Variants in SEC22A observed in about 807,000 individuals in gnomAD.
The protein encoded by SEC22A is SEC22 homolog A, vesicle trafficking protein.
SEC22A carries 22 observed loss-of-function variants against 35.3 expected under a neutral mutation model. That is an observed-to-expected ratio of 0.62 (90% confidence interval 0.45 to 0.89). SEC22A has a LOEUF of 0.89. SEC22A is among the 40% of genes least tolerant of loss of function. The pLI is 0.00. For synonymous variants in SEC22A, 119 were observed against 129.5 expected (o/e 0.92, Z 0.55); for missense variants, 354 against 362.5 (o/e 0.98, Z 0.19).
chr3:123,241,459 G>A (rs944075571), intron 4 of SEC22A, among the ~76,000 whole-genome samples: 2 of 152,002 alleles, frequency 1.3e-5, no homozygotes, highest in East Asian at 1.9e-4. Context: ...TTGAGATTTC[G>A]AATGGTACCA....
intron 6 of SEC22A, among the ~76,000 whole-genome samples, chr3:123,261,003 T>C (rs1937884386): frequency 6.6e-6 from 1 of 152,012 alleles, no homozygotes; most frequent in Non-Finnish European, 1.5e-5. Flanking sequence ...GCCTAGCTAA[T>C]TTTTTGTATT....
chr3:123,229,122 G>A (rs1327309303), intron 4 of SEC22A, among the ~76,000 whole-genome samples: 1 of 152,186 alleles, frequency 6.6e-6, no homozygotes, highest in African/African-American at 2.4e-5. Flanking sequence ...ACATTAGTCT[G>A]CTCTTGCAGG....
At chr3:123,229,952 AG>A (rs762258947) in intron 4 of SEC22A, among the ~76,000 whole-genome samples, 55 of 152,212 alleles carry the variant, frequency 3.6e-4, no homozygotes, top group Non-Finnish European at 3.7e-4. Context: ...TTTGAAAAAA[AG>A]CAAAGAACAA....
At chr3:123,214,854 C>A (rs535163959) in intron 2 of SEC22A, among the ~76,000 whole-genome samples, 57 of 152,252 alleles carry the variant, frequency 3.7e-4, no homozygotes, top group African/African-American at 1.3e-3. Flanking sequence ...TTTTTTAGTT[C>A]TTTCACTGTG....
intron 1 of SEC22A, 196 bp from the exon 2 acceptor site, chr3:123,209,003 C>G: frequency 2.3e-6 from 1 of 438,714 alleles, no homozygotes; most frequent in Non-Finnish European, 4.2e-6. Flanking sequence ...TCATGTTGGC[C>G]AGGCTGGTCT....
At chr3:123,224,005 C>T (rs1466023450) in intron 3 of SEC22A, among the ~76,000 whole-genome samples, 1 of 152,132 alleles carries the variant, frequency 6.6e-6, no homozygotes, top group Non-Finnish European at 1.5e-5. Flanking sequence ...TTTTGCGTTT[C>T]TGTAATAATC....
intron 4 of SEC22A, among the ~76,000 whole-genome samples, chr3:123,232,146 C>T (rs1466063243): frequency 2.0e-5 from 3 of 151,920 alleles, no homozygotes; most frequent in Non-Finnish European, 2.9e-5. Context: ...AGGCTGAGGA[C>T]GAGAATTGCT....
At chr3:123,230,769 A>AG (rs1448435343) in intron 4 of SEC22A, among the ~76,000 whole-genome samples, 1 of 151,524 alleles carries the variant, frequency 6.6e-6, no homozygotes, top group Non-Finnish European at 1.5e-5. Context: ...ATAAGAAAAA[A>AG]GGGAAAAAAT....
Position 123,225,825 on chromosome 3 carries a change from C to T in SEC22A, c.541+528C>T, listed in dbSNP as rs948650848. Among the ~76,000 whole-genome samples the T allele has an allele frequency of 2.0e-5, 3 of 152,142 alleles. No homozygotes were observed. In the East Asian group the frequency reaches 5.8e-4, roughly 29 times the overall value. On this transcript the variant is annotated intron_variant, in intron 4 of 6. Transcript: ENST00000492595. The stretch of plus-strand genomic sequence containing the variant: ...CTAACTATATTATGTACCCATTAAC[C>T]ATCACCCTTTCTCCCACCCCCACTA...
chr3:123,209,849 A>G (rs1936909733), intron 2 of SEC22A, among the ~76,000 whole-genome samples: 1 of 152,150 alleles, frequency 6.6e-6, no homozygotes, highest in African/African-American at 2.4e-5. Context: ...TGGTCAAGAC[A>G]CTCTCTGAGA....
chr3:123,234,219 C>T (rs1369491403), intron 4 of SEC22A, among the ~76,000 whole-genome samples: 3 of 152,184 alleles, frequency 2.0e-5, no homozygotes, highest in South Asian at 2.1e-4. Context: ...TAGAGAGATT[C>T]AGCACATTCT....
chr3:123,242,808 A>G (rs1197156099), intron 4 of SEC22A, among the ~76,000 whole-genome samples: 1 of 152,216 alleles, frequency 6.6e-6, no homozygotes, highest in Non-Finnish European at 1.5e-5. Context: ...CAGAGAAGTT[A>G]GTCATTTCTA....
intron 4 of SEC22A, among the ~76,000 whole-genome samples, chr3:123,234,884 G>C (rs1202108545): frequency 2.0e-5 from 3 of 151,986 alleles, no homozygotes; most frequent in African/African-American, 4.8e-5. Flanking sequence ...TTATCCAGGC[G>C]TGGTGGCGCA....
chr3:123,264,490 A>T (rs1418192521), intron 6 of SEC22A, among the ~76,000 whole-genome samples: 1 of 136,664 alleles, frequency 7.3e-6, no homozygotes, highest in African/African-American at 2.4e-5. Context: ...TTTTTATTTT[A>T]GCCACTCTTT....
At position 123,272,605 on chromosome 3, in the gene SEC22A, C is replaced by A. The variant is rs989391609; in HGVS notation, c.*883C>A. On this transcript the variant is annotated 3_prime_UTR_variant, in exon 7 of 7. Coordinates refer to ENST00000492595, the MANE Select transcript of SEC22A (RefSeq NM_012430.5). ...TAAGATGAACACAAAAAATGTTGTTCAGTTCTAGCTAGAAACTAATGCCTA... is the reference window on the plus strand; with the variant it reads ...TAAGATGAACACAAAAAATGTTGTTAAGTTCTAGCTAGAAACTAATGCCTA... 6.6e-6 allele frequency: 1 copy of A among 152,226 alleles called. No homozygotes were observed. The highest frequency in any genetic ancestry group is 2.4e-5 in the African/African-American group (1 of 41,440). The allele number at this position is 152,226 out of a possible 1,614,324, so 9.4% of individuals were successfully genotyped here. A position where few individuals can be genotyped will look rare whatever the true frequency, so the allele number is the denominator to read the frequency against.
At chr3:123,254,159 A>G (rs1371832993) in intron 5 of SEC22A, among the ~76,000 whole-genome samples, 1 of 152,144 alleles carries the variant, frequency 6.6e-6, no homozygotes, top group East Asian at 1.9e-4. Context: ...TGTGGCTATT[A>G]TATGAGGCTT....
At chr3:123,228,432 G>C (rs1430814716) in intron 4 of SEC22A, among the ~76,000 whole-genome samples, 1 of 150,434 alleles carries the variant, frequency 6.6e-6, no homozygotes, top group Non-Finnish European at 1.5e-5. Flanking sequence ...AAAATTAGTT[G>C]GGCAGGGTGG....
chr3:123,205,110 A>G lies in SEC22A; in HGVS notation c.-20+3124A>G, dbSNP rs544138189. 1.6e-4 allele frequency among the ~76,000 whole-genome samples: 24 copies of G among 152,310 alleles called. No individual in the cohort carries two copies. The South Asian group carries it at 4.8e-3, about 30-fold the overall frequency. ...AAAGAAAAAAAGTAGGGGTATGTTT[A>G]TTGAATTGATGGAGAGACAGCTTAG... On this transcript the variant is annotated intron_variant, in intron 1 of 6. Transcript: ENST00000492595.
intron 4 of SEC22A, among the ~76,000 whole-genome samples, chr3:123,225,833 T>C (rs906830876): frequency 2.0e-5 from 3 of 152,138 alleles, no homozygotes; most frequent in African/African-American, 7.2e-5. Context: ...ACCATCACCC[T>C]TTCTCCCACC....
Sources: gnomAD v4.1 joint callset for allele counts (sites outside exome capture counted in the v4.1 genomes callset) on GRCh38, gnomAD v4.1.1 for gene constraint, MANE v1.5 for transcripts, NCBI Gene and HGNC (gene_info 2026-07-23, HGNC 2026-07-21) for gene names.